The following CSMD3 variants were observed in gnomAD, a reference collection of about 807,000 sequenced individuals.
CSMD3 encodes the protein CUB and Sushi multiple domains 3.
Under a neutral mutation model 435.2 loss-of-function variants are expected in CSMD3, and 177 were observed. The ratio of observed to expected loss-of-function variants is 0.41; its 90% CI spans 0.36 to 0.46. CSMD3 has a LOEUF of 0.46. Ranked by LOEUF, CSMD3 falls within the 20% of genes least tolerant of loss-of-function variation. The probability of loss-of-function intolerance (pLI) is 0.34; values close to 1 mark genes in which losing one functional copy is unlikely to be tolerated. For synonymous variants in CSMD3, 1,656 were observed against 1,520.5 expected (o/e 1.09, Z -2.07); for missense variants, 4,265 against 4,504.6 (o/e 0.95, Z 1.52).
rs189107143 is a variant in CSMD3 at position 112,257,609 on chromosome 8, C to A, written c.9863-2182G>T. ...GGACCTCTTCAAGAAGAACTACAAACCACTGCTCAAGGAAATCAGAGAGGA... is the reference window on the plus strand; with the variant it reads ...GGACCTCTTCAAGAAGAACTACAAAACACTGCTCAAGGAAATCAGAGAGGA... On this transcript the variant is annotated intron_variant, in intron 61 of 70. Transcript: ENST00000297405. Among the ~76,000 whole-genome samples the A allele has an allele frequency of 3.3e-5, 5 of 152,232 alleles. No homozygotes were observed. The East Asian group carries it at 9.6e-4, about 29-fold the overall frequency.
At position 112,265,545 on chromosome 8, in the gene CSMD3, T is replaced by C. The variant is rs773752691; in HGVS notation, c.9554A>G (p.Tyr3185Cys). The C allele has an allele frequency of 6.2e-6, 10 of 1,613,482 alleles. No individual in the cohort carries two copies. In the East Asian group the frequency reaches 2.0e-4, roughly 32 times the overall value. Residue 3185 changes from tyrosine (Y) to cysteine (C), a missense_variant, in exon 60 of 71, where the codon TAT becomes TGT. By Grantham distance (194) the Tyr-to-Cys change is radical. This residue lies in a region of CSMD3 where 3,255 missense variants were observed against 3,380.2 expected (regional missense o/e 0.96). Coordinates refer to ENST00000297405, the MANE Select transcript of CSMD3 (RefSeq NM_198123.2). ...TTGTCCAACCACATAATCATCTCCA[T>C]ATCTCAGTCCATTGGCTGGTATACC... ...DPGIPANGLR[Y>C]GDDYVVGQNV...
Position 112,386,689 on chromosome 8 carries a change from G to A in CSMD3, c.5935-3026C>T, listed in dbSNP as rs374439957. Among the ~76,000 whole-genome samples, 21 of 151,930 alleles carry A rather than the reference G, an allele frequency of 1.4e-4. No individual in the cohort carries two copies. The East Asian group carries it at 3.5e-3, about 25-fold the overall frequency. On this transcript the variant is annotated intron_variant, in intron 36 of 70. Transcript: ENST00000297405. ...ATTTTTTGTATTTTTAGTAGAGACGGGGTTTCACTATGTTAGCCAGGATGG... is the reference window on the plus strand; with the variant it reads ...ATTTTTTGTATTTTTAGTAGAGACGAGGTTTCACTATGTTAGCCAGGATGG...
At chr8:112,410,436 C>T (rs1345470662) in intron 32 of CSMD3, among the ~76,000 whole-genome samples, 1 of 145,692 alleles carries the variant, frequency 6.9e-6, no homozygotes, top group Non-Finnish European at 1.5e-5. Context: ...GAATTCAGAC[C>T]TTTTTAAAAG....
chr8:113,251,272 A>G (rs1386465310), intron 3 of CSMD3, among the ~76,000 whole-genome samples: 1 of 152,076 alleles, frequency 6.6e-6, no homozygotes, highest in Non-Finnish European at 1.5e-5. Context: ...AACAGTAGGA[A>G]GCACAAAGAA....
chr8:113,133,794 C>A (rs546517739), intron 4 of CSMD3, among the ~76,000 whole-genome samples: 1 of 151,834 alleles, frequency 6.6e-6, no homozygotes, highest in African/African-American at 2.4e-5. Flanking sequence ...GAAATAAATC[C>A]GTTATCAAAA....
intron 6 of CSMD3, among the ~76,000 whole-genome samples, chr8:113,004,062 A>G (rs2131085997): frequency 6.6e-6 from 1 of 152,240 alleles, no homozygotes. Context: ...CTTTCATGAT[A>G]ACCATCTTGA....
intron 13 of CSMD3, among the ~76,000 whole-genome samples, chr8:112,741,453 A>C (rs1264890303): frequency 6.6e-6 from 1 of 151,936 alleles, no homozygotes; most frequent in South Asian, 2.1e-4. Flanking sequence ...CAAACAAAGA[A>C]AGTAAAAGAT....
intron 12 of CSMD3, among the ~76,000 whole-genome samples, chr8:112,801,184 C>T (rs2078952643): frequency 6.6e-6 from 1 of 151,962 alleles, no homozygotes; most frequent in East Asian, 1.9e-4. Context: ...ATAAGGATTG[C>T]TGGAAAATTA....
At chr8:113,342,528 T>C (rs1249608502) in intron 1 of CSMD3, among the ~76,000 whole-genome samples, 3 of 152,152 alleles carry the variant, frequency 2.0e-5, no homozygotes, top group Non-Finnish European at 2.9e-5. Context: ...CCAAGTATTA[T>C]TTATTTAGTT....
chr8:112,876,365 A>T (rs538141252), intron 10 of CSMD3, among the ~76,000 whole-genome samples: 1 of 76,520 alleles, frequency 1.3e-5, no homozygotes, highest in South Asian at 4.5e-4. Flanking sequence ...AACCTGGCAG[A>T]GACACAACAA....
intron 3 of CSMD3, among the ~76,000 whole-genome samples, chr8:113,205,550 T>C (rs2092761559): frequency 6.6e-6 from 1 of 152,154 alleles, no homozygotes; most frequent in African/African-American, 2.4e-5. Flanking sequence ...CTCTATGATG[T>C]TCTCATAGCA....
intron 38 of CSMD3, among the ~76,000 whole-genome samples, chr8:112,361,861 A>G (rs1369334625): frequency 1.3e-5 from 2 of 151,608 alleles, no homozygotes; most frequent in Non-Finnish European, 3.0e-5. Flanking sequence ...TCTTTGCACT[A>G]AAGGTGGTAT....
intron 4 of CSMD3, among the ~76,000 whole-genome samples, chr8:113,153,347 T>C (rs573841749): frequency 3.9e-5 from 6 of 152,018 alleles, no homozygotes; most frequent in African/African-American, 1.4e-4. Context: ...ATCTATTATG[T>C]GAGAATTCAA....
At chr8:112,583,288 G>A (rs1830470989) in intron 23 of CSMD3, among the ~76,000 whole-genome samples, 1 of 151,762 alleles carries the variant, frequency 6.6e-6, no homozygotes, top group African/African-American at 2.4e-5. Context: ...GAGGAGATGT[G>A]TGTTTTGGAC....
At chr8:113,270,843 G>T (rs570970354) in intron 3 of CSMD3, among the ~76,000 whole-genome samples, 2 of 151,856 alleles carry the variant, frequency 1.3e-5, no homozygotes, top group East Asian at 1.9e-4. Flanking sequence ...GAGGAGGGGG[G>T]AGGGATAGCA....
intron 4 of CSMD3, among the ~76,000 whole-genome samples, chr8:113,146,019 TGAG>T (rs928107179): frequency 1.3e-5 from 2 of 151,566 alleles, no homozygotes; most frequent in South Asian, 2.1e-4. Flanking sequence ...AAATATTTTA[TGAG>T]GAGAAAAGAT....
intron 22 of CSMD3, among the ~76,000 whole-genome samples, chr8:112,610,488 A>G (rs1318623727): frequency 6.6e-6 from 1 of 152,118 alleles, no homozygotes; most frequent in East Asian, 1.9e-4. Context: ...GCAGTGATCA[A>G]TATGGGACTT....
At chr8:113,026,438 T>C (rs1386648238) in intron 5 of CSMD3, among the ~76,000 whole-genome samples, 3 of 152,212 alleles carry the variant, frequency 2.0e-5, no homozygotes, top group Non-Finnish European at 4.4e-5. Context: ...TTGTTTTTGG[T>C]TGGACAAGTA....
chr8:113,345,285 T>C (rs1588562759), intron 1 of CSMD3, among the ~76,000 whole-genome samples: 1 of 152,132 alleles, frequency 6.6e-6, no homozygotes, highest in Non-Finnish European at 1.5e-5. Flanking sequence ...TTCTTCAAAA[T>C]TACTTCTGAA....
Sources: gnomAD v4.1 joint callset for allele counts (sites outside exome capture counted in the v4.1 genomes callset) on GRCh38, gnomAD v4.1.1 for gene constraint, gnomAD v4.1.1 regional missense constraint, MANE v1.5 for transcripts, NCBI Gene and HGNC (gene_info 2026-07-23, HGNC 2026-07-21) for gene names.